PAX9: variants seen among roughly 807,000 people sequenced by gnomAD.
PAX9 encodes the protein paired box 9, also known as paired box protein Pax-9.
PAX9 carries 6 observed loss-of-function variants against 29.1 expected under a neutral mutation model. The ratio of observed to expected loss-of-function variants is 0.21; its 90% confidence interval spans 0.11 to 0.41. PAX9 has a LOEUF of 0.41. Ranked by LOEUF, PAX9 falls within the 10% of genes least tolerant of loss-of-function variation. The pLI, the probability that PAX9 is intolerant of heterozygous loss-of-function variation, is 1.00. For missense variants in PAX9, 443 were observed against 479.1 expected (o/e 0.92, Z 0.70); for synonymous variants, 217 against 211.7 (o/e 1.03, Z -0.22).
At chr14:36,661,809 T>C (rs1016739272), upstream of PAX9, 3 of 532,220 alleles carry the variant, frequency 5.6e-6, no homozygotes, top group African/African-American at 3.9e-5. Context: ...GACCCGCCCC[T>C]TTTAGGGCGT....
chr14:36,679,340 A>AAATT lies in PAX9; in HGVS notation c.*2892_*2895dup. The stretch of plus-strand genomic sequence containing the variant: ...TTTATTTTTATACTTCAAATGCTCT[A>AAATT]AATTAATAAAAAGTAATAATTACCA... On this transcript the variant is annotated 3_prime_UTR_variant, in exon 4 of 4. Transcript: ENST00000361487. 1.0e-6 allele frequency: 1 copy of AAATT among 969,300 alleles called. No homozygotes were observed. Among genetic ancestry groups the AAATT allele is most frequent in the Non-Finnish European group, 1.2e-6 (1 of 815,352 alleles). The allele number at this position is 969,300 out of a possible 1,614,324, so 60.0% of individuals were successfully genotyped here. A position where few individuals can be genotyped will look rare whatever the true frequency, so the allele number is the denominator to read the frequency against.
At chr14:36,673,584 C>T (rs898178778) in intron 3 of PAX9, among the ~76,000 whole-genome samples, 3 of 151,936 alleles carry the variant, frequency 2.0e-5, no homozygotes, top group African/African-American at 7.3e-5. Flanking sequence ...ACTGAAGAGT[C>T]CAAGTAAATG....
rs1881908168 is a variant in PAX9, at chr14:36,676,728, A to G, written c.*276A>G. 2 of 485,096 alleles carry G rather than the reference A, an allele frequency of 4.1e-6. No individual in the cohort carries two copies. The highest frequency in any genetic ancestry group is 2.1e-5 in the South Asian group (1 of 48,038). 30.0% of individuals were successfully genotyped at this position (485,096 alleles called of 1,614,324 possible). ...TGTGTTGCCCACATACTGTCTTAAC[A>G]TAACAAAGAAACCTACACCCCTCAA... On this transcript the variant is annotated 3_prime_UTR_variant, in exon 4 of 4. Coordinates refer to ENST00000361487, the MANE Select transcript of PAX9 (RefSeq NM_001372076.1).
rs1446726204 is a variant in PAX9, at chr14:36,676,391, C to T, written c.965C>T (p.Ala322Val). 6.2e-7 allele frequency: 1 copy of T among 1,614,158 alleles called. No individual in the cohort carries two copies. Among genetic ancestry groups the T allele is most frequent in the Admixed American group, 1.7e-5 (1 of 60,026 alleles). Reference protein sequence around the residue: ...PHNCDIPASLAFKGMQAAREG... With the variant: ...PHNCDIPASLVFKGMQAAREG... The stretch of plus-strand genomic sequence containing the variant: ...AACTGTGACATTCCGGCATCGCTGG[C>T]GTTCAAGGGAATGCAGGCAGCCAGA... Residue 322 changes from alanine (A) to valine (V), a missense_variant, in exon 4 of 4, where the codon GCG (alanine) becomes GTG (valine). By Grantham distance (64) the Ala-to-Val change is moderately conservative (BLOSUM62 0). Coordinates refer to ENST00000361487, the MANE Select transcript of PAX9 (RefSeq NM_001372076.1).
intron 2 of PAX9, 197 bp from the exon 3 acceptor site, chr14:36,666,265 G>C (rs7143510): frequency 4.8e-6 from 3 of 630,424 alleles, no homozygotes; most frequent in Non-Finnish European, 8.2e-6. Flanking sequence ...CTACTCTGAG[G>C]GGAGTAAAAC....
chr14:36,679,201 TG>T lies in PAX9; in HGVS notation c.*2750del, dbSNP rs1882066850. 2 of 984,778 alleles carry T rather than the reference TG, an allele frequency of 2.0e-6. No homozygotes were observed. Among genetic ancestry groups the T allele is most frequent in the African/African-American group, 3.5e-5 (2 of 57,224 alleles). The allele number at this position is 984,778 out of a possible 1,614,324, so 61.0% of individuals were successfully genotyped here. On this transcript the variant is annotated 3_prime_UTR_variant, in exon 4 of 4. Coordinates refer to ENST00000361487, the MANE Select transcript of PAX9 (RefSeq NM_001372076.1). Reference sequence around the variant, plus strand: ...TTTCTTTTTTTTCACAATTTTGTTTTGTTTTTAATGACCCTTTTATTGAATA... The same window carrying T: ...TTTCTTTTTTTTCACAATTTTGTTTTTTTTTAATGACCCTTTTATTGAATA...
At position 36,678,782 on chromosome 14, in the gene PAX9, T is replaced by G. The variant is rs1342707552; in HGVS notation, c.*2330T>G. On this transcript the variant is annotated 3_prime_UTR_variant, in exon 4 of 4. Coordinates refer to ENST00000361487, the MANE Select transcript of PAX9 (RefSeq NM_001372076.1). ...TCTTGTATTTTAAAAAATCTAATAT[T>G]AATGGTATTGAAGTTTCCTTTTCTC... The G allele has an allele frequency of 5.7e-6, 6 of 1,051,870 alleles. No individual in the cohort carries two copies. In the East Asian group the frequency reaches 1.7e-4, roughly 29 times the overall value. 65.2% of individuals were successfully genotyped at this position (1,051,870 alleles called of 1,614,324 possible). A position where few individuals can be genotyped will look rare whatever the true frequency, so the allele number is the denominator to read the frequency against.
chr14:36,662,789 G>C (rs1324316740), intron 1 of PAX9, 108 bp from the exon 2 acceptor site: 5 of 1,370,398 alleles, frequency 3.6e-6, no homozygotes, highest in Non-Finnish European at 4.1e-6. Flanking sequence ...TAGTTAGTAG[G>C]GGACGGGTGC....
intron 1 of PAX9, 81 bp downstream of exon 1, chr14:36,662,174 G>A (rs1237245006): frequency 1.6e-6 from 2 of 1,259,332 alleles, no homozygotes; most frequent in Non-Finnish European, 1.1e-6. Flanking sequence ...GAGGGAGGGA[G>A]CGCGAGGGCG....
Position 36,676,135 on chromosome 14 carries a change from G to C in PAX9, c.772-63G>C, listed in dbSNP as rs1435533810. ...AGACTTAAGTTCTGCTTCTTTCTAA[G>C]AACGTGTGAAATGTTCACTCCTATA... is the stretch of plus-strand genomic sequence containing the variant. On this transcript the variant is annotated intron_variant, in intron 3 of 3. Coordinates refer to ENST00000361487, the MANE Select transcript of PAX9 (RefSeq NM_001372076.1). 6 of 1,560,964 alleles carry C rather than the reference G, an allele frequency of 3.8e-6. No individual in the cohort carries two copies. The South Asian group carries it at 5.6e-5, about 15-fold the overall frequency.
intron 3 of PAX9, among the ~76,000 whole-genome samples, chr14:36,671,537 T>C (rs1472883141): frequency 1.3e-5 from 2 of 149,372 alleles, no homozygotes; most frequent in Non-Finnish European, 2.9e-5. Flanking sequence ...TAAGCTACAG[T>C]GTCACATCTT....
At chr14:36,670,963 A>T (rs1202786378) in intron 3 of PAX9, 4 of 339,430 alleles carry the variant, frequency 1.2e-5, no homozygotes, top group Non-Finnish European at 2.3e-5. Flanking sequence ...GGTATGTTTT[A>T]CTAGGTCATT....
chr14:36,665,712 C>T (rs2295219), intron 2 of PAX9, among the ~76,000 whole-genome samples: 82,896 of 151,806 alleles, frequency 0.55, 23,591 homozygotes, highest in East Asian at 0.75. Flanking sequence ...CTTGTATATA[C>T]ATTTTTTAAA....
At chr14:36,671,333 T>C (rs185370885) in intron 3 of PAX9, among the ~76,000 whole-genome samples, 106 of 152,252 alleles carry the variant, frequency 7.0e-4, no homozygotes, top group Non-Finnish European at 8.1e-4. Flanking sequence ...TTTATGGTGG[T>C]CACAAGTGTT....
upstream of PAX9, among the ~76,000 whole-genome samples, chr14:36,661,141 C>T (rs1594465150): frequency 6.6e-6 from 1 of 152,264 alleles, no homozygotes; most frequent in African/African-American, 2.4e-5. Flanking sequence ...GGGCTGTGCG[C>T]TAGCGTTAGC....
At chr14:36,673,532 A>AACATCTCTGGGCAAAAAGAG (rs1491013578) in intron 3 of PAX9, among the ~76,000 whole-genome samples, 1 of 3,808 alleles carries the variant, frequency 2.6e-4, no homozygotes, top group Non-Finnish European at 8.0e-4. Context: ...CCATCTTCCA[A>AACATCTCTGGGCAAAAAGAG]GTGGGTCCAT....
chr14:36,678,916 A>T lies in PAX9; in HGVS notation c.*2464A>T. The T allele has an allele frequency of 7.1e-6, 7 of 979,358 alleles. No individual in the cohort carries two copies. The highest frequency in any genetic ancestry group is 8.5e-6 in the Non-Finnish European group (7 of 823,964). The allele number at this position is 979,358 out of a possible 1,614,324, so 60.7% of individuals were successfully genotyped here. A position where few individuals can be genotyped will look rare whatever the true frequency, so the allele number is the denominator to read the frequency against. The stretch of plus-strand genomic sequence containing the variant: ...TTAAAGCCACTTTTTAAAATACGAG[A>T]AGGAAAATAGGATGGATTAAAGGGT... On this transcript the variant is annotated 3_prime_UTR_variant, in exon 4 of 4. Transcript: ENST00000361487.
At position 36,663,186 on chromosome 14, in the gene PAX9, C is replaced by T. The variant is rs539215047; in HGVS notation, c.294C>T (p.Phe98=). ...RTYKQRDPGI[F]AWEIRDRLLA... ...ACAAGCAGAGAGACCCCGGCATCTT[C>T]GCCTGGGAGATCCGGGACCGCCTGC... is the stretch of plus-strand genomic sequence containing the variant. Residue 98 remains phenylalanine, a synonymous_variant, in exon 2 of 4, where the codon TTC becomes TTT. Transcript: ENST00000361487. 4 of 1,614,108 alleles carry T rather than the reference C, an allele frequency of 2.5e-6. No individual in the cohort carries two copies. The highest frequency in any genetic ancestry group is 2.2e-5 in the East Asian group (1 of 44,842).
At chr14:36,661,851 G>C, upstream of PAX9, 1 of 607,386 alleles carries the variant, frequency 1.6e-6, no homozygotes, top group South Asian at 1.9e-5. Flanking sequence ...GAGCCGCCCT[G>C]CCCTGCTCAG....
Sources: allele counts gnomAD v4.1 joint callset (sites outside exome capture counted in the v4.1 genomes callset), GRCh38; gene constraint gnomAD v4.1.1; transcripts MANE v1.5; gene names NCBI Gene and HGNC (gene_info 2026-07-23, HGNC 2026-07-21).